ROS1: variants seen among roughly 807,000 people sequenced by gnomAD.
The protein encoded by ROS1 is ROS proto-oncogene 1, receptor tyrosine kinase.
Under a neutral mutation model 273.5 loss-of-function variants are expected in ROS1, and 263 were observed. That is an observed-to-expected ratio of 0.96 (90% confidence interval 0.87 to 1.06). ROS1 has a LOEUF of 1.06. Among genes scored for constraint, ROS1 ranks in the 50% least tolerant of loss-of-function variants. The pLI is 0.00. For missense variants in ROS1, 2,833 were observed against 2,751.1 expected (o/e 1.03, Z -0.67); for synonymous variants, 1,008 against 954.1 (o/e 1.06, Z -1.04).
chr6:117,317,391 G>T, intron 38 of ROS1, 119 bp from the exon 39 acceptor site: 2 of 1,164,870 alleles, frequency 1.7e-6, no homozygotes, highest in Non-Finnish European at 2.4e-6. Flanking sequence ...CTGACTTAGT[G>T]TCTCTAACAC....
intron 40 of ROS1, among the ~76,000 whole-genome samples, chr6:117,310,708 G>A (rs1775476350): frequency 6.6e-6 from 1 of 152,078 alleles, no homozygotes; most frequent in Non-Finnish European, 1.5e-5. Flanking sequence ...TTCCCTCAAA[G>A]GACATGAACT....
intron 7 of ROS1, among the ~76,000 whole-genome samples, chr6:117,400,162 C>A (rs1292494049): frequency 6.6e-6 from 1 of 152,216 alleles, no homozygotes; most frequent in Non-Finnish European, 1.5e-5. Context: ...CACATAGACA[C>A]CTGGACCTGC....
intron 14 of ROS1, 146 bp from the exon 15 acceptor site, chr6:117,387,145 G>T (rs1772650178): frequency 2.0e-6 from 1 of 495,746 alleles, no homozygotes; most frequent in Admixed American, 3.3e-5. Flanking sequence ...TCTATAAAAG[G>T]ATATGAGTAA....
At chr6:117,362,989 T>G in intron 21 of ROS1, 124 bp from the exon 22 acceptor site, 1 of 819,380 alleles carries the variant, frequency 1.2e-6, no homozygotes, top group South Asian at 2.1e-5. Context: ...GCAGTTGCAG[T>G]ATATTTATTA....
rs777604573 is a variant in ROS1 at position 117,326,290 on chromosome 6, C to T, written c.5473G>A (p.Val1825Ile). Reference protein sequence around the residue: ...NLKGIFQFRVVAANNLGFGEY... With the variant: ...NLKGIFQFRVIAANNLGFGEY... ...CCAAACCCTAGATTATTTGCAGCTA[C>T]TACTCTGAACTGAAATATTCCTTTC... Residue 1825 changes from valine (V) to isoleucine (I), a missense_variant, in exon 34 of 44, where the codon GTA becomes ATA. By Grantham distance (29) the Val-to-Ile change is conservative. Transcript: ENST00000368507. 6 of 1,601,388 alleles carry T rather than the reference C, an allele frequency of 3.7e-6. No homozygotes were observed. The East Asian group carries it at 1.4e-4, about 36-fold the overall frequency.
At chr6:117,303,103 G>A (rs1027586604) in intron 42 of ROS1, among the ~76,000 whole-genome samples, 6 of 152,296 alleles carry the variant, frequency 3.9e-5, no homozygotes, top group East Asian at 1.9e-4. Flanking sequence ...CTAAAGGACT[G>A]TAGATGCTCT....
intron 27 of ROS1, among the ~76,000 whole-genome samples, chr6:117,346,406 A>AT (rs1178359656): frequency 1.3e-5 from 2 of 152,068 alleles, no homozygotes; most frequent in African/African-American, 4.8e-5. Context: ...AATAGACTCC[A>AT]TTTTTTAAAG....
rs1285043088 is a variant in ROS1 at position 117,387,908 on chromosome 6, A to G, written c.1871T>C (p.Ile624Thr). ...AGGTACATTCAGCATGGTTCCACTTATGTTCAAGAAAATATGAGTGACTTC... is the reference window on the plus strand; with the variant it reads ...AGGTACATTCAGCATGGTTCCACTTGTGTTCAAGAAAATATGAGTGACTTC... Reference protein sequence around the residue: ...PPEVTHIFLNISGTMLNVPEL... With the variant: ...PPEVTHIFLNTSGTMLNVPEL... Residue 624 changes from isoleucine (I) to threonine (T), a missense_variant, in exon 14 of 44, where the codon ATA becomes ACA. Physicochemically the swap from Ile to Thr is moderately conservative, Grantham distance 89. Transcript: ENST00000368507. 1 of 1,614,210 alleles carries G rather than the reference A, an allele frequency of 6.2e-7. No individual in the cohort carries two copies. The highest frequency in any genetic ancestry group is 8.5e-7 in the Non-Finnish European group (1 of 1,180,036).
Position 117,310,103 on chromosome 6 carries a change from A to C in ROS1, c.6394T>G (p.Phe2132Val), listed in dbSNP as rs747208320. 1 of 1,613,360 alleles carries C rather than the reference A, an allele frequency of 6.2e-7. No homozygotes were observed. Among genetic ancestry groups the C allele is most frequent in the Non-Finnish European group, 8.5e-7 (1 of 1,179,482 alleles). ...TACCATACATCAGATTGAGTAGTGA[A>C]GATTCCATCCATCAAACTTTCTGGA... ...MAPESLMDGIFTTQSDVWSFG... is the reference protein window; with the variant it reads ...MAPESLMDGIVTTQSDVWSFG... The change falls in exon 41 of 44, where the codon TTC (phenylalanine) becomes GTC (valine). Residue 2132 changes from phenylalanine to valine, a missense_variant. Physicochemically the swap from Phe to Val is conservative, Grantham distance 50 (BLOSUM62 -1). Coordinates refer to ENST00000368507, the MANE Select transcript of ROS1 (RefSeq NM_001378902.1).
intron 32 of ROS1, among the ~76,000 whole-genome samples, chr6:117,332,334 G>T (rs185860965): frequency 1.3e-5 from 2 of 152,166 alleles, no homozygotes; most frequent in Non-Finnish European, 2.9e-5. Flanking sequence ...AGAGCACCCA[G>T]ACTCACAAAG....
At chr6:117,329,709 A>C (rs961946479) in intron 32 of ROS1, among the ~76,000 whole-genome samples, 1 of 151,402 alleles carries the variant, frequency 6.6e-6, no homozygotes, top group African/African-American at 2.4e-5. Context: ...CACAGAGAGA[A>C]GGAAGAGCAG....
At chr6:117,379,292 T>G in intron 17 of ROS1, 133 bp from the exon 18 acceptor site, 1 of 603,016 alleles carries the variant, frequency 1.7e-6, no homozygotes, top group Non-Finnish European at 2.9e-6. Context: ...ATTTTTACTT[T>G]TTTCTGACTA....
In ROS1 at chr6:117,365,742, C is replaced by A. The variant is rs2128661296; in HGVS notation, c.2798-1G>T. 6.5e-7 allele frequency: 1 copy of A among 1,542,934 alleles called. No homozygotes were observed. Among genetic ancestry groups the A allele is most frequent in the Non-Finnish European group, 8.7e-7 (1 of 1,152,490 alleles). ...ACCTTAGGGGTAAAGGAAAAGTTCC[C>A]TACAGGATGAAACAAAAAAAAGAAA... On this transcript the variant is annotated splice_acceptor_variant, in intron 19 of 43. Transcript: ENST00000368507. LOFTEE classifies it high-confidence loss of function.
intron 34 of ROS1, among the ~76,000 whole-genome samples, chr6:117,325,228 G>A (rs1024209800): frequency 6.6e-6 from 1 of 152,134 alleles, no homozygotes; most frequent in Non-Finnish European, 1.5e-5. Context: ...GGAGCATCAG[G>A]TAAGCATTAT....
At chr6:117,336,711 A>G (rs561743077) in intron 32 of ROS1, among the ~76,000 whole-genome samples, 45 of 152,234 alleles carry the variant, frequency 3.0e-4, no homozygotes, top group African/African-American at 9.6e-4. Flanking sequence ...TTCTAGGTCA[A>G]ATGGTATTTT....
At chr6:117,335,683 G>A (rs1777407685) in intron 32 of ROS1, among the ~76,000 whole-genome samples, 1 of 152,200 alleles carries the variant, frequency 6.6e-6, no homozygotes, top group Non-Finnish European at 1.5e-5. Flanking sequence ...CATGTCCTTT[G>A]CAGGGACATG....
intron 31 of ROS1, among the ~76,000 whole-genome samples, chr6:117,339,516 T>G (rs996123411): frequency 1.3e-5 from 2 of 152,186 alleles, no homozygotes; most frequent in African/African-American, 4.8e-5. Context: ...TATTTCCAGC[T>G]GTCCTGTCAT....
intron 22 of ROS1, among the ~76,000 whole-genome samples, chr6:117,361,627 A>G (rs905777611): frequency 6.7e-6 from 1 of 150,232 alleles, no homozygotes; most frequent in African/African-American, 2.4e-5. Context: ...ATTTTACCAA[A>G]ACACTCCTAA....
intron 7 of ROS1, among the ~76,000 whole-genome samples, chr6:117,397,983 T>G (rs566067329): frequency 6.6e-6 from 1 of 152,304 alleles, no homozygotes; most frequent in South Asian, 2.1e-4. Context: ...CCACTGACTT[T>G]TAAAAGCCCT....
Sources: gnomAD v4.1 joint callset for allele counts (sites outside exome capture counted in the v4.1 genomes callset) on GRCh38, gnomAD v4.1.1 for gene constraint, MANE v1.5 for transcripts, NCBI Gene and HGNC (gene_info 2026-07-23, HGNC 2026-07-21) for gene names.